NRG1: variants seen among roughly 807,000 people sequenced by gnomAD.
NRG1 encodes the protein neuregulin 1, also known as pro-neuregulin-1, membrane-bound isoform.
In NRG1, 18 loss-of-function variants were observed where a neutral mutation model predicts 63.8. That is an observed-to-expected ratio of 0.28 (90% CI 0.19 to 0.42). The LOEUF (loss-of-function observed/expected upper bound fraction) is 0.42. Ranked by LOEUF, NRG1 falls within the 10% of genes least tolerant of loss-of-function variation. The pLI is 1.00. For missense variants in NRG1, 762 were observed against 814.7 expected, an observed-to-expected ratio of 0.94 and a Z score of 0.79; for synonymous variants, 302 against 301.3, an observed-to-expected ratio of 1.00 and a Z score of -0.02.
chr8:32,740,180 G>T (rs968451113), intron 6 of NRG1, among the ~76,000 whole-genome samples: 2 of 143,082 alleles, frequency 1.4e-5, no homozygotes. Context: ...TTTGAGAAAT[G>T]ACCCAACCTC....
In NRG1 at chr8:32,127,157, G is replaced by T. The variant is rs559358387; in HGVS notation, c.38-468671G>T. ...TATTTATGTTTCCTTTGACTCTTTA[G>T]CTGAAAGCCTAGGATGTAGGACAAG... On this transcript the variant is annotated intron_variant, in intron 1 of 10. Coordinates refer to the NRG1 transcript ENST00000519301. 2.6e-4 allele frequency among the ~76,000 whole-genome samples: 40 copies of T among 152,008 alleles called. 1 individual carries two copies. The South Asian group carries it at 8.1e-3, about 31-fold the overall frequency.
chr8:32,560,512 A>G (rs987110082), intron 1 of NRG1, among the ~76,000 whole-genome samples: 3 of 152,202 alleles, frequency 2.0e-5, no homozygotes, highest in African/African-American at 7.2e-5. Flanking sequence ...AAGTATGGCT[A>G]GTTTGCTTAA....
intron 5 of NRG1, among the ~76,000 whole-genome samples, chr8:32,645,341 T>C (rs1054480684): frequency 6.6e-6 from 1 of 152,238 alleles, no homozygotes; most frequent in African/African-American, 2.4e-5. Flanking sequence ...GTGCAGATTA[T>C]AGAGAGATGA....
rs146015503 is a variant in NRG1 at position 32,422,753 on chromosome 8, A to C, written c.38-173075A>C. Among the ~76,000 whole-genome samples, 206 of 152,320 alleles carry C rather than the reference A, an allele frequency of 1.4e-3. 1 individual carries two copies. Among genetic ancestry groups the C allele is most frequent in the African/African-American group, 4.8e-3 (199 of 41,578 alleles). On this transcript the variant is annotated intron_variant, in intron 1 of 10. Transcript: ENST00000519301. ...TTTGGCTCTTTGCCAAGCTGATAGG[A>C]GAATGGAATGTCTAATGGTTTTTGA...
At chr8:32,412,811 T>C (rs540655156) in intron 1 of NRG1, among the ~76,000 whole-genome samples, 1 of 152,248 alleles carries the variant, frequency 6.6e-6, no homozygotes, top group African/African-American at 2.4e-5. Flanking sequence ...TATAATCTTA[T>C]GGGACCAGTT....
At chr8:32,699,553 T>C (rs1339467825) in intron 5 of NRG1, among the ~76,000 whole-genome samples, 1 of 152,218 alleles carries the variant, frequency 6.6e-6, no homozygotes. Context: ...CAAATGCAGA[T>C]GTAATTTTAT....
intron 1 of NRG1, among the ~76,000 whole-genome samples, chr8:31,972,066 G>T (rs1255863460): frequency 6.6e-6 from 1 of 152,152 alleles, no homozygotes; most frequent in Non-Finnish European, 1.5e-5. Flanking sequence ...GACAATGAGG[G>T]TGGCTATCTG....
rs367543154 is a variant in NRG1 at position 31,640,107 on chromosome 8, C to G, written c.37+676C>G. The G allele has an allele frequency of 3.5e-6, 4 of 1,150,082 alleles. No individual in the cohort carries two copies. Among genetic ancestry groups the G allele is most frequent in the South Asian group, 4.0e-5 (1 of 24,944 alleles). 71.2% of individuals were successfully genotyped at this position (1,150,082 alleles called of 1,614,324 possible). A position where few individuals can be genotyped will look rare whatever the true frequency, so the allele number is the denominator to read the frequency against. ...TGCCACTACTGCTGCTGCTGGGGAC[C>G]GCGGCCCTGGCGCCGGGGGCGGCGG... On this transcript the variant is annotated intron_variant, in intron 1 of 10. Transcript: ENST00000519301. This position sits in a 1 kb window ranked among gnomAD's most constrained non-coding sequence, Gnocchi z 6.3.
At position 31,655,880 on chromosome 8, in the gene NRG1, G is replaced by T. The variant is rs376002931; in HGVS notation, c.37+16449G>T. On this transcript the variant is annotated intron_variant, in intron 1 of 10. Transcript: ENST00000519301. The stretch of plus-strand genomic sequence containing the variant: ...GGGGCAATGCCTACAAAGGGCGGTG[G>T]GGAGGATGGCCCCCAGTGTTCTGGC... 3.3e-5 allele frequency among the ~76,000 whole-genome samples: 5 copies of T among 152,206 alleles called. No homozygotes were observed. The South Asian group carries it at 8.3e-4, about 25-fold the overall frequency.
At chr8:31,903,943 C>T (rs1034352060) in intron 1 of NRG1, among the ~76,000 whole-genome samples, 5 of 152,052 alleles carry the variant, frequency 3.3e-5, no homozygotes, top group African/African-American at 4.8e-5. Flanking sequence ...AAGAATGAAA[C>T]TCTGTCTCAA....
At chr8:32,457,815 G>C (rs1003698626) in intron 1 of NRG1, among the ~76,000 whole-genome samples, 2 of 152,092 alleles carry the variant, frequency 1.3e-5, no homozygotes, top group Non-Finnish European at 2.9e-5. Flanking sequence ...TTTCTAGTTA[G>C]TGCATACATA....
At chr8:32,398,612 T>G (rs1011116773) in intron 1 of NRG1, among the ~76,000 whole-genome samples, 3 of 152,066 alleles carry the variant, frequency 2.0e-5, no homozygotes, top group Non-Finnish European at 4.4e-5. Flanking sequence ...GGTTTTGCCA[T>G]GTTGGTCAGG....
chr8:31,799,728 A>G (rs1156565270), intron 1 of NRG1, among the ~76,000 whole-genome samples: 1 of 152,240 alleles, frequency 6.6e-6, no homozygotes, highest in East Asian at 1.9e-4. Flanking sequence ...TTGTGTATGC[A>G]TAGATATATG....
chr8:32,058,341 C>A (rs1190929723), intron 1 of NRG1, among the ~76,000 whole-genome samples: 2 of 152,000 alleles, frequency 1.3e-5, no homozygotes, highest in Admixed American at 6.6e-5. Context: ...AAATAAGGAT[C>A]TGACTTTATA....
At chr8:32,014,484 T>C (rs1367817300) in intron 1 of NRG1, among the ~76,000 whole-genome samples, 1 of 152,058 alleles carries the variant, frequency 6.6e-6, no homozygotes, top group Non-Finnish European at 1.5e-5. Context: ...CTAAAAATGC[T>C]TGATCTGGTA....
intron 1 of NRG1, among the ~76,000 whole-genome samples, chr8:31,689,434 G>A (rs970490661): frequency 6.6e-5 from 10 of 152,078 alleles, no homozygotes; most frequent in African/African-American, 2.2e-4. Flanking sequence ...AATTTCTATA[G>A]TATTTATAAT....
intron 1 of NRG1, among the ~76,000 whole-genome samples, chr8:32,106,608 A>G (rs573957408): frequency 5.3e-5 from 8 of 152,192 alleles, no homozygotes; most frequent in Non-Finnish European, 7.3e-5. Context: ...CAGATGTGAG[A>G]GTTGATGTTA....
chr8:32,637,824 T>TAAA (rs1216627217), intron 5 of NRG1, among the ~76,000 whole-genome samples: 1 of 152,180 alleles, frequency 6.6e-6, no homozygotes, highest in Non-Finnish European at 1.5e-5. Context: ...AAATGCTGTT[T>TAAA]AATAACAGAG....
intron 1 of NRG1, among the ~76,000 whole-genome samples, chr8:32,508,184 C>T (rs974387244): frequency 6.6e-6 from 1 of 152,164 alleles, no homozygotes; most frequent in Non-Finnish European, 1.5e-5. Flanking sequence ...GGTAGGAGGA[C>T]TCCTTAAGCC....
Sources: gnomAD v4.1 joint callset for allele counts (sites outside exome capture counted in the v4.1 genomes callset) on GRCh38, gnomAD v4.1.1 for gene constraint, Gnocchi (gnomAD v3.1) non-coding constraint, MANE v1.5 for transcripts, NCBI Gene and HGNC (gene_info 2026-07-23, HGNC 2026-07-21) for gene names.